SLC27A4: variants seen among roughly 807,000 people sequenced by gnomAD.
SLC27A4 encodes long-chain fatty acid transport protein 4.
Under a neutral mutation model 64.4 loss-of-function variants are expected in SLC27A4, and 33 were observed. The ratio of observed to expected loss-of-function variants is 0.51; its 90% CI spans 0.39 to 0.68. The LOEUF is 0.68. Ranked by LOEUF, SLC27A4 falls within the 30% of genes least tolerant of loss-of-function variation. SLC27A4 has a pLI of 0.00. For synonymous variants in SLC27A4, 377 were observed against 370.0 expected, an observed-to-expected ratio of 1.02 and a Z score of -0.22; for missense variants, 824 against 883.5, an observed-to-expected ratio of 0.93 and a Z score of 0.85.
intron 3 of SLC27A4, among the ~76,000 whole-genome samples, 171 bp from the exon 4 acceptor site, chr9:128,348,374 T>G (rs1299958110): frequency 6.6e-6 from 1 of 152,306 alleles, no homozygotes; most frequent in East Asian, 1.9e-4. Flanking sequence ...AGCCCATGGC[T>G]AATAGAACCA....
intron 7 of SLC27A4, 80 bp downstream of exon 7, chr9:128,352,827 A>G (rs890065970): frequency 2.6e-5 from 31 of 1,213,618 alleles, no homozygotes; most frequent in Non-Finnish European, 3.6e-5. Context: ...CATCTGTCTT[A>G]TAGCTGAGGT....
chr9:128,352,226 A>G (rs902630380), intron 6 of SLC27A4, among the ~76,000 whole-genome samples: 4 of 152,074 alleles, frequency 2.6e-5, no homozygotes, highest in Non-Finnish European at 5.9e-5. Context: ...TTTAAATTGA[A>G]AAAAGGATGA....
chr9:128,355,566 T>C lies in SLC27A4; in HGVS notation c.1627+4T>C, dbSNP rs770530815. 4 of 1,609,864 alleles carry C rather than the reference T, an allele frequency of 2.5e-6. No homozygotes were observed. In the South Asian group the frequency reaches 4.4e-5, roughly 18 times the overall value. On this transcript the variant is annotated splice_donor_region_variant and intron_variant, in intron 11 of 12. Transcript: ENST00000300456. ...GTGTATGGTGTCGAGGTGCCAGGTA[T>C]GTGCAGGCAGGCGCGAGGTGTGGGT...
chr9:128,343,640 G>A (rs1048386134), intron 2 of SLC27A4, among the ~76,000 whole-genome samples: 2 of 152,208 alleles, frequency 1.3e-5, no homozygotes, highest in African/African-American at 2.4e-5. Flanking sequence ...TTTGGGGAAA[G>A]GCCCTGCCCT....
In SLC27A4 at chr9:128,340,781, A is replaced by T. The variant is rs760777437; in HGVS notation, c.-64A>T. The T allele has an allele frequency of 1.5e-6, 1 of 687,778 alleles. No homozygotes were observed. 42.6% of individuals were successfully genotyped at this position (687,778 alleles called of 1,614,324 possible). ...GCGGCTAATGCCCCTCACGCTGTCT[A>T]CGCTGCTGCAACCGGGCCGCATCTG... On this transcript the variant is annotated 5_prime_UTR_variant, in exon 1 of 13. Coordinates refer to ENST00000300456, the MANE Select transcript of SLC27A4 (RefSeq NM_005094.4).
Position 128,345,126 on chromosome 9 carries a change from A to T in SLC27A4, c.162-29A>T, listed in dbSNP as rs1832633530. 1.2e-6 allele frequency: 2 copies of T among 1,612,796 alleles called. No homozygotes were observed. The highest frequency in any genetic ancestry group is 1.7e-6 in the Non-Finnish European group (2 of 1,179,984). ...GACCCCTCCCTCCCAACCATGGCAGACACAGCGCCCTCTCTTGTTCACACA... is the reference window on the plus strand; with the variant it reads ...GACCCCTCCCTCCCAACCATGGCAGTCACAGCGCCCTCTCTTGTTCACACA... On this transcript the variant is annotated intron_variant, in intron 2 of 12. Coordinates refer to ENST00000300456, the MANE Select transcript of SLC27A4 (RefSeq NM_005094.4). This position sits in a 1 kb window ranked among gnomAD's most constrained non-coding sequence, Gnocchi z 4.1.
chr9:128,341,658 T>C (rs770668655), intron 1 of SLC27A4, among the ~76,000 whole-genome samples: 6 of 152,330 alleles, frequency 3.9e-5, no homozygotes, highest in Non-Finnish European at 7.3e-5. Flanking sequence ...CAGGGCTCCT[T>C]TTCCAGGGAG....
At chr9:128,349,957 T>G (rs1832709411) in intron 4 of SLC27A4, among the ~76,000 whole-genome samples, 1 of 152,206 alleles carries the variant, frequency 6.6e-6, no homozygotes, top group Non-Finnish European at 1.5e-5. Flanking sequence ...CTACTGGGTT[T>G]CAACAGGTCC....
At position 128,342,262 on chromosome 9, in the gene SLC27A4, G is replaced by A. The variant is rs531160230; in HGVS notation, c.-6-865G>A. ...TGACAAACCCGATATGGCTGAGATT[G>A]AGAAATTCGATAAGTCGAAACTGAA... On this transcript the variant is annotated intron_variant, in intron 1 of 12. Coordinates refer to ENST00000300456, the MANE Select transcript of SLC27A4 (RefSeq NM_005094.4). 52 of 1,611,260 alleles carry A rather than the reference G, an allele frequency of 3.2e-5. No individual in the cohort carries two copies. The African/African-American group carries it at 6.7e-4, about 21-fold the overall frequency.
chr9:128,347,347 G>T (rs1269147329), intron 3 of SLC27A4, among the ~76,000 whole-genome samples: 7 of 152,180 alleles, frequency 4.6e-5, no homozygotes, highest in Non-Finnish European at 7.3e-5. Context: ...TAGAACTGGG[G>T]TTTGATCTTC....
In SLC27A4 at chr9:128,350,303, TTTC is replaced by T; in HGVS notation, c.716-6_716-4del. On this transcript the variant is annotated splice_polypyrimidine_tract_variant and splice_region_variant and intron_variant, in intron 4 of 12. Transcript: ENST00000300456. Reference sequence around the variant, plus strand: ...GCCCCCGACAGCCACTCGCGTCTGTTTTCTTTAGATAAACTGTTCTACATCTAC... The same window carrying T: ...GCCCCCGACAGCCACTCGCGTCTGTTTTTAGATAAACTGTTCTACATCTAC... The T allele has an allele frequency of 6.2e-7, 1 of 1,612,598 alleles. No homozygotes were observed. The highest frequency in any genetic ancestry group is 8.5e-7 in the Non-Finnish European group (1 of 1,179,956).
Position 128,355,689 on chromosome 9 carries a change from C to G in SLC27A4, c.1667C>G (p.Pro556Arg). ...GRAGMAAVAS[P>R]TGNCDLERFA... ...GCCGGAATGGCTGCTGTGGCCAGCC[C>G]CACTGGCAACTGTGACCTGGAGCGC... The change falls in exon 12 of 13, where the codon CCC (proline) becomes CGC (arginine). Residue 556 changes from proline to arginine, a missense_variant. By Grantham distance (103) the Pro-to-Arg change is moderately radical. Coordinates refer to ENST00000300456, the MANE Select transcript of SLC27A4 (RefSeq NM_005094.4). 1 of 1,612,822 alleles carries G rather than the reference C, an allele frequency of 6.2e-7. No homozygotes were observed. The highest frequency in any genetic ancestry group is 8.5e-7 in the Non-Finnish European group (1 of 1,180,042).
Position 128,355,082 on chromosome 9 carries a change from A to G in SLC27A4, c.1354A>G (p.Ile452Val). 2 of 1,612,108 alleles carry G rather than the reference A, an allele frequency of 1.2e-6. No homozygotes were observed. The highest frequency in any genetic ancestry group is 1.7e-6 in the Non-Finnish European group (2 of 1,179,278). ...GCCGGGCCAGCTGGTGGGCCGCATC[A>G]TCCAGAAAGACCCCCTGCGCCGCTT... ...GEPGQLVGRI[I>V]QKDPLRRFDG... The change falls in exon 10 of 13, where the codon ATC becomes GTC. Residue 452 changes from isoleucine to valine, a missense_variant. By Grantham distance (29) the Ile-to-Val change is conservative (BLOSUM62 3). Transcript: ENST00000300456.
Position 128,353,462 on chromosome 9 carries a change from C to G in SLC27A4, c.1245C>G (p.Pro415=). The change falls in exon 9 of 13, where the codon CCC becomes CCG. Residue 415 remains proline (P), a synonymous_variant. Coordinates refer to ENST00000300456, the MANE Select transcript of SLC27A4 (RefSeq NM_005094.4). The surrounding 1 kb of genome is among the most constrained non-coding windows in gnomAD (Gnocchi z 4.9). The part of the protein sequence containing the change: ...FNSRILSFVY[P]IRLVRVNEDT... ...GCCGCATCCTGTCCTTCGTGTACCC[C>G]ATCCGGTTGGTACGTGTCAACGAGG... The G allele has an allele frequency of 1.2e-6, 2 of 1,614,158 alleles. No individual in the cohort carries two copies. The highest frequency in any genetic ancestry group is 1.7e-6 in the Non-Finnish European group (2 of 1,180,028).
intron 6 of SLC27A4, among the ~76,000 whole-genome samples, chr9:128,351,717 AAAAT>A (rs1328002228): frequency 6.6e-6 from 1 of 152,168 alleles, no homozygotes; most frequent in African/African-American, 2.4e-5. Flanking sequence ...ACTCTGTCTC[AAAAT>A]AAATAAATAA....
chr9:128,351,824 A>G (rs1337336460), intron 6 of SLC27A4, among the ~76,000 whole-genome samples: 1 of 151,990 alleles, frequency 6.6e-6, no homozygotes. Flanking sequence ...AGGCTGAGAC[A>G]GGAGAATCAC....
intron 12 of SLC27A4, 140 bp downstream of exon 12, chr9:128,355,936 A>C (rs191164084): frequency 9.1e-7 from 1 of 1,103,928 alleles, no homozygotes; most frequent in African/African-American, 1.5e-5. Context: ...TGTAGAGGTG[A>C]GCAGACGGGG....
intron 3 of SLC27A4, among the ~76,000 whole-genome samples, chr9:128,348,113 T>G (rs1832683764): frequency 6.6e-6 from 1 of 152,120 alleles, no homozygotes; most frequent in Non-Finnish European, 1.5e-5. Flanking sequence ...GCCACTGGCC[T>G]CTGACCCGCA....
chr9:128,344,162 G>A (rs1334877067), intron 2 of SLC27A4, among the ~76,000 whole-genome samples: 1 of 152,134 alleles, frequency 6.6e-6, no homozygotes, highest in Non-Finnish European at 1.5e-5. Context: ...TACTTGAGAG[G>A]CGCCTTAGTG....
Sources: gnomAD v4.1 joint callset for allele counts (sites outside exome capture counted in the v4.1 genomes callset) on GRCh38, gnomAD v4.1.1 for gene constraint, Gnocchi (gnomAD v3.1) non-coding constraint, MANE v1.5 for transcripts, NCBI Gene and HGNC (gene_info 2026-07-23, HGNC 2026-07-21) for gene names.